BTG4: variants seen among roughly 807,000 people sequenced by gnomAD.
The protein encoded by BTG4 is BTG anti-proliferation factor 4.
Under a neutral mutation model 19.3 loss-of-function variants are expected in BTG4, and 10 were observed. The ratio of observed to expected loss-of-function variants is 0.52; its 90% CI spans 0.32 to 0.88. The LOEUF is 0.88. Among genes scored for constraint, BTG4 ranks in the 40% least tolerant of loss-of-function variants. BTG4 has a pLI of 0.04. For synonymous variants in BTG4, 91 were observed against 95.7 expected, an observed-to-expected ratio of 0.95 and a Z score of 0.29; for missense variants, 238 against 281.9, an observed-to-expected ratio of 0.84 and a Z score of 1.11.
downstream of BTG4, among the ~76,000 whole-genome samples, chr11:111,464,333 A>G (rs1863596201): frequency 6.6e-6 from 1 of 152,128 alleles, no homozygotes; most frequent in Non-Finnish European, 1.5e-5. Flanking sequence ...AGAAATGACA[A>G]CCCATCACTT....
the BTG4 span, among the ~76,000 whole-genome samples, chr11:111,400,091 C>T: frequency 6.6e-6 from 1 of 152,100 alleles, no homozygotes; most frequent in Non-Finnish European, 1.5e-5. Flanking sequence ...CAGGAATTTA[C>T]AGCAAAAGAA....
chr11:111,383,973 T>C, the BTG4 span, among the ~76,000 whole-genome samples: 1,183 of 152,344 alleles, frequency 7.8e-3, 14 homozygotes, highest in African/African-American at 0.027. Flanking sequence ...AATTATGTTA[T>C]AGTTTCTGTT....
chr11:111,509,374 T>C (rs1866691555), intron 1 of BTG4, among the ~76,000 whole-genome samples: 1 of 152,040 alleles, frequency 6.6e-6, no homozygotes, highest in South Asian at 2.1e-4. Flanking sequence ...TTATATTTCC[T>C]ATGAGTAAAT....
intron 5 of BTG4, among the ~76,000 whole-genome samples, chr11:111,484,529 TCTTTG>T (rs757775035): frequency 1.1e-4 from 17 of 152,280 alleles, no homozygotes; most frequent in Non-Finnish European, 1.8e-4. Context: ...TTTAATTTTA[TCTTTG>T]CTTTGCTTTT....
intron 5 of BTG4, among the ~76,000 whole-genome samples, chr11:111,475,646 A>T (rs1403424745): frequency 6.6e-6 from 1 of 152,174 alleles, no homozygotes; most frequent in Non-Finnish European, 1.5e-5. Context: ...GTTAAAAAAA[A>T]TCCAGATACA....
rs1865874298 is a variant in BTG4, at chr11:111,498,500, C to G, written c.173+104G>C. On this transcript the variant is annotated intron_variant, in intron 2 of 4. Coordinates refer to ENST00000692032, the MANE Select transcript of BTG4 (RefSeq NM_001367975.1). ...AACAAATAAACTCGAGCCCATAAAA[C>G]TTTTGTTACTTATATGCAGAAAACA... 7 of 1,032,438 alleles carry G rather than the reference C, an allele frequency of 6.8e-6. No homozygotes were observed. In the South Asian group the frequency reaches 8.7e-5, roughly 13 times the overall value. The allele number at this position is 1,032,438 out of a possible 1,614,324, so 64.0% of individuals were successfully genotyped here.
the BTG4 span, among the ~76,000 whole-genome samples, chr11:111,459,259 A>G: frequency 6.6e-6 from 1 of 152,174 alleles, no homozygotes; most frequent in South Asian, 2.1e-4. Flanking sequence ...AAAATTGTGC[A>G]TACTTTATAG....
At chr11:111,490,228 G>A (rs646030), downstream of BTG4, among the ~76,000 whole-genome samples, 79,350 of 151,512 alleles carry the variant, frequency 0.52, 23,095 homozygotes, top group South Asian at 0.72. Context: ...AGCTGAGATC[G>A]TGCCATTGCA....
chr11:111,406,657 G>A, the BTG4 span, among the ~76,000 whole-genome samples: 1 of 152,200 alleles, frequency 6.6e-6, no homozygotes, highest in Admixed American at 6.5e-5. Context: ...AAATGAGCAG[G>A]AGGCCAGGGT....
the BTG4 span, chr11:111,385,885 C>T: frequency 6.6e-6 from 1 of 152,048 alleles, no homozygotes; most frequent in South Asian, 2.1e-4. Context: ...AGTTGCTGGC[C>T]CAGTGTATTG....
the BTG4 span, chr11:111,455,653 G>A: frequency 1.7e-5 from 6 of 359,706 alleles, no homozygotes; most frequent in East Asian, 7.8e-5. Context: ...TCAGACTTAG[G>A]GAGACATGAA....
At chr11:111,413,467 G>T in the BTG4 span, among the ~76,000 whole-genome samples, 1 of 152,248 alleles carries the variant, frequency 6.6e-6, no homozygotes, top group Admixed American at 6.5e-5. Context: ...CCAGTGCTGT[G>T]ATAGGTGCCC....
upstream of BTG4, chr11:111,512,850 G>C (rs1471321028): frequency 2.5e-6 from 1 of 393,534 alleles, no homozygotes; most frequent in Non-Finnish European, 5.1e-6. Flanking sequence ...CCATGGTAGG[G>C]CGTCCCCCGG....
the BTG4 span, chr11:111,453,497 A>T: frequency 2.2e-6 from 1 of 456,578 alleles, no homozygotes; most frequent in South Asian, 1.5e-5. Context: ...CTCGATGCCT[A>T]CACTTCCCCA....
chr11:111,396,242 A>T, the BTG4 span, among the ~76,000 whole-genome samples: 1 of 152,194 alleles, frequency 6.6e-6, no homozygotes, highest in South Asian at 2.1e-4. Flanking sequence ...CCCTCCTGTT[A>T]TATGTAACTT....
In BTG4 at chr11:111,468,191, C is replaced by T. The variant is rs116483351; in HGVS notation, c.663-510G>A. Among the ~76,000 whole-genome samples, 754 of 152,270 alleles carry T rather than the reference C, an allele frequency of 5.0e-3. 3 individuals are homozygous for T. Among genetic ancestry groups the T allele is most frequent in the African/African-American group, 0.017 (709 of 41,554 alleles). Reference sequence around the variant, plus strand: ...TTGGGGGGTTTAATAAAACCAGAAACTACTCACATATGGTACTCTCCACAC... The same window carrying T: ...TTGGGGGGTTTAATAAAACCAGAAATTACTCACATATGGTACTCTCCACAC... On this transcript the variant is annotated intron_variant, in intron 5 of 5. Coordinates refer to the BTG4 transcript ENST00000356018.
chr11:111,389,416 A>G, the BTG4 span, among the ~76,000 whole-genome samples: 1 of 152,238 alleles, frequency 6.6e-6, no homozygotes, highest in East Asian at 1.9e-4. Context: ...CAATTCAATT[A>G]AGGATTAACT....
At chr11:111,480,058 G>C (rs1864639824) in intron 5 of BTG4, among the ~76,000 whole-genome samples, 1 of 152,042 alleles carries the variant, frequency 6.6e-6, no homozygotes, top group Non-Finnish European at 1.5e-5. Context: ...AATTGGTAGA[G>C]TGAACTAAAA....
the BTG4 span, among the ~76,000 whole-genome samples, chr11:111,420,950 T>C: frequency 2.0e-5 from 3 of 152,078 alleles, no homozygotes; most frequent in Admixed American, 2.0e-4. Flanking sequence ...CCCAGAAGGC[T>C]CCTTTGGGAA....
Sources: allele counts gnomAD v4.1 joint callset (sites outside exome capture counted in the v4.1 genomes callset), GRCh38; gene constraint gnomAD v4.1.1; transcripts MANE v1.5; gene names NCBI Gene and HGNC (gene_info 2026-07-23, HGNC 2026-07-21).